RAB3C: variants seen among roughly 807,000 people sequenced by gnomAD.
RAB3C encodes the protein RAB3C, member RAS oncogene family.
Under a neutral mutation model 26.4 loss-of-function variants are expected in RAB3C, and 17 were observed. The observed-to-expected ratio is 0.64, with a 90% CI of 0.44 to 0.97. The LOEUF is 0.97. RAB3C is among the 50% of genes least tolerant of loss of function. RAB3C has a pLI of 0.00. For missense variants in RAB3C, 242 were observed against 281.9 expected (o/e 0.86, Z 1.01); for synonymous variants, 91 against 95.9 (o/e 0.95, Z 0.30).
chr5:58,700,170 A>AGCATGGT (rs1748811955), intron 2 of RAB3C, among the ~76,000 whole-genome samples: 1 of 152,242 alleles, frequency 6.6e-6, no homozygotes, highest in Admixed American at 6.5e-5. Flanking sequence ...TAAATGAGTC[A>AGCATGGT]GCATGGTGCA....
intron 3 of RAB3C, among the ~76,000 whole-genome samples, chr5:58,768,617 G>C (rs1741959181): frequency 6.6e-6 from 1 of 152,062 alleles, no homozygotes; most frequent in African/African-American, 2.4e-5. Context: ...ATGATGAGAA[G>C]GAGGGTGCCA....
intron 2 of RAB3C, among the ~76,000 whole-genome samples, chr5:58,712,542 C>G (rs150596601): frequency 6.6e-6 from 1 of 151,674 alleles, no homozygotes; most frequent in African/African-American, 2.4e-5. Context: ...TTTTTTTTCT[C>G]GAGACAGAGT....
chr5:58,676,621 G>A (rs1010568653), intron 2 of RAB3C, among the ~76,000 whole-genome samples: 1 of 152,106 alleles, frequency 6.6e-6, no homozygotes, highest in Admixed American at 6.5e-5. Flanking sequence ...AGGTGGGTTG[G>A]TCTTGGCAGA....
chr5:58,735,489 T>C (rs943680569), intron 3 of RAB3C, among the ~76,000 whole-genome samples: 1 of 152,158 alleles, frequency 6.6e-6, no homozygotes, highest in Admixed American at 6.5e-5. Context: ...TTTGCTAGGG[T>C]TGTTGTAGCA....
intron 3 of RAB3C, among the ~76,000 whole-genome samples, chr5:58,756,387 C>CATATATATATAT (rs71604764): frequency 1.7e-3 from 225 of 132,036 alleles, no homozygotes; most frequent in African/African-American, 5.6e-3. Context: ...TACTATATAA[C>CATATATATATAT]ATATATATAT....
intron 2 of RAB3C, among the ~76,000 whole-genome samples, chr5:58,687,566 T>G (rs1748471078): frequency 6.6e-6 from 1 of 152,162 alleles, no homozygotes; most frequent in South Asian, 2.1e-4. Context: ...GCTTAGGAAC[T>G]ATTAATTATA....
At chr5:58,728,709 G>A (rs1400333322) in intron 3 of RAB3C, among the ~76,000 whole-genome samples, 1 of 151,928 alleles carries the variant, frequency 6.6e-6, no homozygotes, top group African/African-American at 2.4e-5. Flanking sequence ...TGAGATACAC[G>A]GGCATATGAA....
intron 1 of RAB3C, among the ~76,000 whole-genome samples, chr5:58,584,993 G>T (rs569417891): frequency 1.1e-4 from 16 of 151,976 alleles, no homozygotes; most frequent in Non-Finnish European, 1.9e-4. Context: ...CTTTAATGAA[G>T]AACTAAAATA....
intron 1 of RAB3C, among the ~76,000 whole-genome samples, chr5:58,589,191 T>C (rs1010988753): frequency 1.3e-5 from 2 of 152,210 alleles, no homozygotes; most frequent in Non-Finnish European, 2.9e-5. Context: ...TGTGATTGTG[T>C]GGTTTATCTA....
In RAB3C at chr5:58,591,542, A is replaced by T. The variant is rs189435668; in HGVS notation, c.24+8310A>T. Among the ~76,000 whole-genome samples the T allele has an allele frequency of 5.3e-3, 799 of 150,966 alleles. 2 individuals carry two copies. The highest frequency in any genetic ancestry group is 8.0e-3 in the Non-Finnish European group (544 of 67,738). On this transcript the variant is annotated intron_variant, in intron 1 of 4. Transcript: ENST00000282878. ...TTAAAGTCTATATTGTCTGATATTA[A>T]TAGAGAATGCAGACACTCTTGCCTT...
chr5:58,693,265 A>T (rs2111862564), intron 2 of RAB3C, among the ~76,000 whole-genome samples: 1 of 144,976 alleles, frequency 6.9e-6, no homozygotes, highest in East Asian at 2.0e-4. Flanking sequence ...TTATATAAAT[A>T]TAATTAAGAT....
intron 2 of RAB3C, among the ~76,000 whole-genome samples, chr5:58,631,064 A>G (rs892602586): frequency 2.0e-5 from 3 of 152,240 alleles, no homozygotes; most frequent in African/African-American, 7.2e-5. Context: ...TTTCAGCAGT[A>G]TCTGAGTGAG....
At chr5:58,799,362 T>A (rs1371725404) in intron 3 of RAB3C, among the ~76,000 whole-genome samples, 1 of 152,084 alleles carries the variant, frequency 6.6e-6, no homozygotes, top group Non-Finnish European at 1.5e-5. Flanking sequence ...TTTTTTTTTT[T>A]AATGAAGAGT....
At chr5:58,706,457 T>C (rs1474003446) in intron 2 of RAB3C, among the ~76,000 whole-genome samples, 2 of 152,206 alleles carry the variant, frequency 1.3e-5, no homozygotes, top group East Asian at 1.9e-4. Context: ...AGTTGTAATA[T>C]AATGAGAATA....
intron 3 of RAB3C, among the ~76,000 whole-genome samples, chr5:58,817,763 T>G (rs2112048324): frequency 6.6e-6 from 1 of 152,170 alleles, no homozygotes. Context: ...TTGGGCTAAT[T>G]TTTAAAAGCT....
intron 1 of RAB3C, among the ~76,000 whole-genome samples, chr5:58,596,601 TATATATAAATATATAATATATAATACATA>T (rs1330879195): frequency 1.2e-4 from 14 of 117,022 alleles, no homozygotes; most frequent in Non-Finnish European, 1.6e-4. Context: ...CATAATATAT[TATATATAAATATATAATATATAATACATA>T]ATATATAAAT....
intron 2 of RAB3C, among the ~76,000 whole-genome samples, chr5:58,693,005 G>T (rs1343420147): frequency 6.6e-6 from 1 of 151,818 alleles, no homozygotes; most frequent in African/African-American, 2.4e-5. Flanking sequence ...TACTCAGGAG[G>T]CTGAGGCAGG....
intron 2 of RAB3C, among the ~76,000 whole-genome samples, chr5:58,679,103 A>G (rs1748294433): frequency 6.6e-6 from 1 of 152,182 alleles, no homozygotes; most frequent in African/African-American, 2.4e-5. Flanking sequence ...GAACAAGAAC[A>G]CGATGTGGTA....
intron 2 of RAB3C, among the ~76,000 whole-genome samples, chr5:58,643,052 G>A (rs1303214548): frequency 6.6e-6 from 1 of 152,192 alleles, no homozygotes; most frequent in Non-Finnish European, 1.5e-5. Context: ...GTTTTCAACT[G>A]AGAGCAGTTT....
Sources: gnomAD v4.1 joint callset for allele counts (sites outside exome capture counted in the v4.1 genomes callset) on GRCh38, gnomAD v4.1.1 for gene constraint, MANE v1.5 for transcripts, NCBI Gene and HGNC (gene_info 2026-07-23, HGNC 2026-07-21) for gene names.